Variants in RSU1 observed in about 807,000 individuals in gnomAD.
The protein encoded by RSU1 is rsu-1.
Under a neutral mutation model 31.1 loss-of-function variants are expected in RSU1, and 26 were observed. The observed-to-expected ratio is 0.84, with a 90% CI of 0.61 to 1.16. The LOEUF is 1.16. Among genes scored for constraint, RSU1 ranks in the 50% most tolerant of loss-of-function variants. The probability of loss-of-function intolerance (pLI) is 0.00; values close to 1 mark genes in which losing one functional copy is unlikely to be tolerated. For missense variants in RSU1, 320 were observed against 339.1 expected, an observed-to-expected ratio of 0.94 and a Z score of 0.44; for synonymous variants, 164 against 136.3, an observed-to-expected ratio of 1.20 and a Z score of -1.41.
At chr10:16,707,066 A>G (rs1018338559) in intron 7 of RSU1, among the ~76,000 whole-genome samples, 2 of 152,230 alleles carry the variant, frequency 1.3e-5, no homozygotes, top group African/African-American at 4.8e-5. Context: ...CAATTGTGGC[A>G]AATGAGAAGA....
chr10:16,800,662 C>A (rs777667423), intron 2 of RSU1, among the ~76,000 whole-genome samples: 75 of 152,016 alleles, frequency 4.9e-4, no homozygotes, highest in African/African-American at 1.7e-3. Context: ...TGAATGATAC[C>A]GATTCTATAA....
In RSU1 at chr10:16,799,256, G is replaced by A. The variant is rs556027178; in HGVS notation, c.110-17172C>T. 5.3e-5 allele frequency among the ~76,000 whole-genome samples: 8 copies of A among 152,236 alleles called. No homozygotes were observed. The East Asian group carries it at 5.8e-4, about 11-fold the overall frequency. On this transcript the variant is annotated intron_variant, in intron 2 of 8. Transcript: ENST00000345264. Reference sequence around the variant, plus strand: ...TGGTTAGCAAATAGAGATTCTGGACGTTGTCACTACCATACTCACAGTAAG... The same window carrying A: ...TGGTTAGCAAATAGAGATTCTGGACATTGTCACTACCATACTCACAGTAAG...
chr10:16,718,291 TA>T (rs1028201334), intron 7 of RSU1, among the ~76,000 whole-genome samples: 1 of 152,096 alleles, frequency 6.6e-6, no homozygotes, highest in African/African-American at 2.4e-5. Flanking sequence ...ATTAATATAA[TA>T]AAAATTGACA....
intron 8 of RSU1, among the ~76,000 whole-genome samples, chr10:16,655,269 C>A (rs867781266): frequency 2.0e-5 from 3 of 152,078 alleles, no homozygotes; most frequent in Non-Finnish European, 4.4e-5. Context: ...GGGATAAAGG[C>A]AAAACCACTG....
chr10:16,618,148 C>T (rs1441444781), intron 8 of RSU1, among the ~76,000 whole-genome samples: 1 of 152,030 alleles, frequency 6.6e-6, no homozygotes, highest in Non-Finnish European at 1.5e-5. Context: ...AGAAAACAAC[C>T]CTACCAAAAA....
At chr10:16,773,849 C>A (rs1176198340) in intron 3 of RSU1, among the ~76,000 whole-genome samples, 2 of 151,382 alleles carry the variant, frequency 1.3e-5, no homozygotes, top group Non-Finnish European at 2.9e-5. Context: ...AAGGATAAGC[C>A]AAATTCAGAG....
At chr10:16,734,692 T>C (rs1433468769) in intron 7 of RSU1, among the ~76,000 whole-genome samples, 1 of 152,182 alleles carries the variant, frequency 6.6e-6, no homozygotes, top group Non-Finnish European at 1.5e-5. Context: ...AGGTGAACAA[T>C]GCAACAGTAT....
intron 7 of RSU1, among the ~76,000 whole-genome samples, chr10:16,698,706 A>C (rs531103392): frequency 1.3e-5 from 2 of 152,354 alleles, no homozygotes; most frequent in South Asian, 2.1e-4. Context: ...ACTGGAGCAC[A>C]CAGGAGACGC....
intron 8 of RSU1, among the ~76,000 whole-genome samples, chr10:16,693,151 C>A (rs901692901): frequency 6.6e-6 from 1 of 152,102 alleles, no homozygotes; most frequent in Non-Finnish European, 1.5e-5. Context: ...TTTAGTTTCA[C>A]CATGTTGGCC....
chr10:16,817,095 C>T lies in RSU1; in HGVS notation c.-3-11G>A, dbSNP rs1838554715. The T allele has an allele frequency of 6.3e-7, 1 of 1,588,710 alleles. No homozygotes were observed. The highest frequency in any genetic ancestry group is 1.1e-5 in the South Asian group (1 of 90,492). ...AGACTTGGACATGGTCTGCACCGAA[C>T]AACAACAAAGCACGTGGGCGATGAC... On this transcript the variant is annotated splice_polypyrimidine_tract_variant and intron_variant, in intron 1 of 8. Coordinates refer to ENST00000345264, the MANE Select transcript of RSU1 (RefSeq NM_012425.4).
At chr10:16,707,229 A>C (rs959015439) in intron 7 of RSU1, among the ~76,000 whole-genome samples, 13 of 152,348 alleles carry the variant, frequency 8.5e-5, no homozygotes, top group Non-Finnish European at 1.9e-4. Flanking sequence ...TCTCTTCAAC[A>C]TAGTAATTTC....
chr10:16,652,572 A>G (rs1343291497), intron 8 of RSU1, among the ~76,000 whole-genome samples: 1 of 152,182 alleles, frequency 6.6e-6, no homozygotes, highest in Admixed American at 6.5e-5. Context: ...ACACACACAC[A>G]CACGGTCTGT....
At chr10:16,623,190 C>T (rs1456127898) in intron 8 of RSU1, among the ~76,000 whole-genome samples, 1 of 152,154 alleles carries the variant, frequency 6.6e-6, no homozygotes, top group African/African-American at 2.4e-5. Context: ...CCCTCTCTCC[C>T]ACCTGCCTCT....
intron 7 of RSU1, among the ~76,000 whole-genome samples, chr10:16,751,738 G>A (rs1371782673): frequency 2.0e-5 from 3 of 152,136 alleles, no homozygotes; most frequent in African/African-American, 7.2e-5. Context: ...TAAAAATGAT[G>A]GTATTTTGGA....
At chr10:16,716,885 T>C (rs899579858) in intron 7 of RSU1, among the ~76,000 whole-genome samples, 1 of 152,186 alleles carries the variant, frequency 6.6e-6, no homozygotes, top group Non-Finnish European at 1.5e-5. Flanking sequence ...GTGCATATGA[T>C]CACGTAATCT....
rs528128926 is a variant in RSU1, at chr10:16,792,908, C to G, written c.110-10824G>C. Among the ~76,000 whole-genome samples the G allele has an allele frequency of 3.4e-3, 514 of 152,288 alleles. 4 individuals are homozygous for G. Among genetic ancestry groups the G allele is most frequent in the African/African-American group, 0.012 (498 of 41,548 alleles). ...GTCAGCACCGGGCAGCAATGCTGAC[C>G]AACTTGAGCTCTGCATCTCCGTGAT... On this transcript the variant is annotated intron_variant, in intron 2 of 8. Transcript: ENST00000345264.
chr10:16,711,237 T>C (rs2131580542), intron 7 of RSU1, among the ~76,000 whole-genome samples: 1 of 152,324 alleles, frequency 6.6e-6, no homozygotes, highest in Non-Finnish European at 1.5e-5. Context: ...TCTGTATTTC[T>C]GTAGTATCAG....
chr10:16,760,506 T>C (rs764139612), intron 4 of RSU1, among the ~76,000 whole-genome samples: 67 of 132,636 alleles, frequency 5.1e-4, no homozygotes, highest in Non-Finnish European at 9.7e-4. Context: ...AGAAACTCCA[T>C]CTCAAAAAAA....
At chr10:16,697,670 A>G (rs537755720) in intron 7 of RSU1, among the ~76,000 whole-genome samples, 5 of 152,154 alleles carry the variant, frequency 3.3e-5, no homozygotes, top group Non-Finnish European at 7.4e-5. Flanking sequence ...TTAAAAAAAA[A>G]AAAAGAAAAA....
Sources: allele counts gnomAD v4.1 joint callset (sites outside exome capture counted in the v4.1 genomes callset), GRCh38; gene constraint gnomAD v4.1.1; transcripts MANE v1.5; gene names NCBI Gene and HGNC (gene_info 2026-07-23, HGNC 2026-07-21).